The following TMEM87A variants were observed in gnomAD, a reference collection of about 807,000 sequenced individuals.
TMEM87A encodes transmembrane protein 87A.
In TMEM87A, 50 loss-of-function variants were observed where a neutral mutation model predicts 90.0. The observed-to-expected ratio is 0.56, with a 90% CI of 0.44 to 0.70. The LOEUF is 0.70. TMEM87A is among the 30% of genes least tolerant of loss of function. The probability of loss-of-function intolerance (pLI) is 0.00; values close to 1 mark genes in which losing one functional copy is unlikely to be tolerated. For synonymous variants in TMEM87A, 226 were observed against 226.7 expected (o/e 1.00, Z 0.03); for missense variants, 577 against 660.5 (o/e 0.87, Z 1.39).
chr15:42,255,724 T>TA (rs1311454840), intron 6 of TMEM87A, among the ~76,000 whole-genome samples: 2 of 152,052 alleles, frequency 1.3e-5, no homozygotes, highest in East Asian at 3.9e-4. Flanking sequence ...AATATTTCCT[T>TA]AGAAGAAGGG....
At chr15:42,250,374 C>T (rs2051061723) in intron 6 of TMEM87A, among the ~76,000 whole-genome samples, 1 of 152,212 alleles carries the variant, frequency 6.6e-6, no homozygotes, top group South Asian at 2.1e-4. Context: ...ATGGTCTTTA[C>T]AATTTGGCAT....
At chr15:42,262,030 G>C (rs762298504) in intron 4 of TMEM87A, 2 of 152,184 alleles carry the variant, frequency 1.3e-5, no homozygotes, top group Non-Finnish European at 2.9e-5. Context: ...TTTCTTACCA[G>C]TTATCAGTAG....
intron 11 of TMEM87A, chr15:42,231,871 T>G: frequency 7.8e-7 from 1 of 1,278,720 alleles, no homozygotes; most frequent in Non-Finnish European, 1.0e-6. Flanking sequence ...CGTCAATTGC[T>G]GAGAGGGCCA....
chr15:42,259,633 T>C (rs1303716301), intron 6 of TMEM87A, among the ~76,000 whole-genome samples: 1 of 152,038 alleles, frequency 6.6e-6, no homozygotes, highest in African/African-American at 2.4e-5. Context: ...AAAGGAAAAA[T>C]TGGAGAATGA....
At chr15:42,215,509 T>C (rs1035652854) in intron 19 of TMEM87A, among the ~76,000 whole-genome samples, 1 of 152,156 alleles carries the variant, frequency 6.6e-6, no homozygotes, top group African/African-American at 2.4e-5. Context: ...TCAGGGTTAA[T>C]ATCCAAAATA....
At chr15:42,259,236 C>G (rs2051241636) in intron 6 of TMEM87A, among the ~76,000 whole-genome samples, 1 of 152,122 alleles carries the variant, frequency 6.6e-6, no homozygotes, top group Non-Finnish European at 1.5e-5. Flanking sequence ...GATTCTCCTG[C>G]TTCAGCCTCC....
rs372558623 is a variant in TMEM87A at position 42,220,115 on chromosome 15, G to A, written c.1424C>T (p.Ser475Phe). 39 of 1,606,306 alleles carry A rather than the reference G, an allele frequency of 2.4e-5. No individual in the cohort carries two copies. The highest frequency in any genetic ancestry group is 2.7e-5 in the African/African-American group (2 of 74,316). ...NNQRFAFSPL[S>F]EEEEEDEQKE... ...TTGTTCATCCTCCTCCTCTTCCTCAGACAATGGTGAAAAGGCAAACCTAAC... is the reference window on the plus strand; with the variant it reads ...TTGTTCATCCTCCTCCTCTTCCTCAAACAATGGTGAAAAGGCAAACCTAAC... Residue 475 changes from serine to phenylalanine, a missense_variant, in exon 16 of 20, where the codon TCT becomes TTT. Coordinates refer to ENST00000389834, the MANE Select transcript of TMEM87A (RefSeq NM_015497.5).
At chr15:42,230,818 T>C (rs898495516) in intron 12 of TMEM87A, among the ~76,000 whole-genome samples, 17 of 152,186 alleles carry the variant, frequency 1.1e-4, no homozygotes, top group African/African-American at 4.1e-4. Context: ...TTTCAAAGCA[T>C]TTAAGAATTG....
intron 6 of TMEM87A, among the ~76,000 whole-genome samples, chr15:42,246,100 G>A (rs913142328): frequency 1.3e-5 from 2 of 152,022 alleles, no homozygotes; most frequent in African/African-American, 4.8e-5. Context: ...TTTACTTCTT[G>A]TCTCCATGGA....
At chr15:42,241,562 T>C (rs2050868390) in intron 7 of TMEM87A, among the ~76,000 whole-genome samples, 1 of 152,194 alleles carries the variant, frequency 6.6e-6, no homozygotes, top group African/African-American at 2.4e-5. Context: ...TAAACCTTGC[T>C]GCAAAATGTA....
At chr15:42,272,244 A>C (rs1289535412) in intron 1 of TMEM87A, 121 bp from the exon 2 acceptor site, 3 of 629,136 alleles carry the variant, frequency 4.8e-6, no homozygotes, top group African/African-American at 3.8e-5. Flanking sequence ...CGTACCCCTT[A>C]ATCAGTTCAT....
chr15:42,236,230 T>C (rs2050767523), intron 10 of TMEM87A, 90 bp downstream of exon 10: 1 of 1,072,756 alleles, frequency 9.3e-7, no homozygotes, highest in South Asian at 1.3e-5. Context: ...TTATCAACTA[T>C]TTCAGAACTA....
chr15:42,264,576 G>A (rs1444657315), intron 3 of TMEM87A, among the ~76,000 whole-genome samples: 2 of 151,410 alleles, frequency 1.3e-5, no homozygotes, highest in Non-Finnish European at 2.9e-5. Context: ...GCAGAAAATT[G>A]TTGCAAGCAC....
chr15:42,228,581 G>T, intron 13 of TMEM87A, 131 bp downstream of exon 13: 2 of 689,432 alleles, frequency 2.9e-6, no homozygotes, highest in Non-Finnish European at 5.0e-6. Context: ...CTGAGAATTT[G>T]ACAAGAGCTA....
At chr15:42,244,252 G>C (rs2050928439) in intron 6 of TMEM87A, 85 bp from the exon 7 acceptor site, 2 of 901,032 alleles carry the variant, frequency 2.2e-6, no homozygotes, top group Non-Finnish European at 3.4e-6. Context: ...TTTTGCTCCA[G>C]AATGTGCCCA....
intron 4 of TMEM87A, 38 bp downstream of exon 4, chr15:42,264,052 G>A (rs780321180): frequency 1.3e-6 from 2 of 1,509,988 alleles, no homozygotes; most frequent in Non-Finnish European, 1.8e-6. Flanking sequence ...TCCAATTTTT[G>A]CCTATTCTAT....
At chr15:42,261,531 T>C (rs1227134876) in intron 4 of TMEM87A, among the ~76,000 whole-genome samples, 1 of 152,164 alleles carries the variant, frequency 6.6e-6, no homozygotes, top group Non-Finnish European at 1.5e-5. Flanking sequence ...GATGTATGCT[T>C]AGGATAGAAG....
intron 3 of TMEM87A, among the ~76,000 whole-genome samples, chr15:42,266,372 CGGGTGT>C (rs2051404284): frequency 6.6e-6 from 1 of 151,892 alleles, no homozygotes. Context: ...AAAAATTAGC[CGGGTGT>C]GGTGGCAGAC....
chr15:42,273,543 T>C, upstream of TMEM87A: 1 of 1,375,450 alleles, frequency 7.3e-7, no homozygotes. Context: ...GCGGCCCCTC[T>C]CTCAGACAGT....
Sources: allele counts gnomAD v4.1 joint callset (sites outside exome capture counted in the v4.1 genomes callset), GRCh38; gene constraint gnomAD v4.1.1; transcripts MANE v1.5; gene names NCBI Gene and HGNC (gene_info 2026-07-23, HGNC 2026-07-21).